BROX: variants seen among roughly 807,000 people sequenced by gnomAD.
The protein encoded by BROX is BRO1 domain and CAAX motif containing, also known as BRO1 domain-containing protein BROX.
A neutral mutation model predicts 61.0 loss-of-function variants in BROX; 53 were observed. The ratio of observed to expected loss-of-function variants is 0.87; its 90% CI spans 0.70 to 1.09. BROX has a LOEUF of 1.09. Ranked by LOEUF, BROX falls within the 50% of genes least tolerant of loss-of-function variation. The pLI is 0.00. For synonymous variants in BROX, 152 were observed against 160.2 expected, an observed-to-expected ratio of 0.95 and a Z score of 0.38; for missense variants, 489 against 472.0, an observed-to-expected ratio of 1.04 and a Z score of -0.33.
chr1:222,727,571 C>T (rs1657602658), intron 8 of BROX, among the ~76,000 whole-genome samples: 1 of 152,064 alleles, frequency 6.6e-6, no homozygotes, highest in Non-Finnish European at 1.5e-5. Flanking sequence ...GTTAACATGA[C>T]CCATAATTCA....
chr1:222,728,367 A>G (rs199666736), intron 8 of BROX, among the ~76,000 whole-genome samples: 9 of 152,160 alleles, frequency 5.9e-5, no homozygotes, highest in East Asian at 1.9e-4. Context: ...AGAGGAGAGT[A>G]TCCTATTTCT....
At chr1:222,729,522 G>A in intron 9 of BROX, 98 bp from the exon 10 acceptor site, 1 of 812,900 alleles carries the variant, frequency 1.2e-6, no homozygotes, top group Non-Finnish European at 2.0e-6. Context: ...TGATACTTCA[G>A]TGTATGAAGG....
Position 222,734,128 on chromosome 1 carries a change from A to G in BROX, c.*1414A>G, listed in dbSNP as rs1658139833. 6.6e-6 allele frequency: 1 copy of G among 152,226 alleles called. No homozygotes were observed. The highest frequency in any genetic ancestry group is 2.4e-5 in the African/African-American group (1 of 41,468). The allele number at this position is 152,226 out of a possible 1,614,324, so 9.4% of individuals were successfully genotyped here. A position where few individuals can be genotyped will look rare whatever the true frequency, so the allele number is the denominator to read the frequency against. On this transcript the variant is annotated 3_prime_UTR_variant, in exon 13 of 13. Coordinates refer to ENST00000340934, the MANE Select transcript of BROX (RefSeq NM_144695.4). ...ATTTGGGAAATAGTGGATGCATAATACTTTAACAGAAGTCACACATCTGTA... is the reference window on the plus strand; with the variant it reads ...ATTTGGGAAATAGTGGATGCATAATGCTTTAACAGAAGTCACACATCTGTA...
intron 11 of BROX, among the ~76,000 whole-genome samples, chr1:222,730,688 A>G (rs532691053): frequency 6.6e-6 from 1 of 152,304 alleles, no homozygotes; most frequent in Admixed American, 6.5e-5. Context: ...TTAGGATGAT[A>G]ATATATAAAA....
chr1:222,718,244 A>T (rs1038376629), intron 2 of BROX: 1 of 152,206 alleles, frequency 6.6e-6, no homozygotes, highest in Admixed American at 6.5e-5. Flanking sequence ...GAATCAAAGG[A>T]GAAAATAATT....
chr1:222,724,186 C>A lies in BROX; in HGVS notation c.474+22C>A, dbSNP rs373017423. ...AAAGGTAAAACAAACAAACAAAAAC[C>A]ATTATTTGTTCTTAATGCTTTAATT... is the stretch of plus-strand genomic sequence containing the variant. On this transcript the variant is annotated intron_variant, in intron 6 of 12. Coordinates refer to ENST00000340934, the MANE Select transcript of BROX (RefSeq NM_144695.4). The A allele has an allele frequency of 1.4e-4, 221 of 1,566,226 alleles. No homozygotes were observed. In the African/African-American group the frequency reaches 2.6e-3, roughly 18 times the overall value.
chr1:222,723,076 A>G (rs1010166771), intron 5 of BROX, among the ~76,000 whole-genome samples: 2 of 152,240 alleles, frequency 1.3e-5, no homozygotes, highest in Non-Finnish European at 2.9e-5. Flanking sequence ...TGGTTCATCC[A>G]TACGTGGGAA....
intron 11 of BROX, among the ~76,000 whole-genome samples, chr1:222,730,908 T>A (rs1370763473): frequency 2.0e-5 from 3 of 152,204 alleles, no homozygotes; most frequent in African/African-American, 7.2e-5. Context: ...CCAGTTTTTC[T>A]TGCTTTTTTT....
rs1657918749 is a variant in BROX, at chr1:222,731,338, T to C, written c.990-19T>C. The C allele has an allele frequency of 6.4e-7, 1 of 1,551,700 alleles. No homozygotes were observed. The highest frequency in any genetic ancestry group is 2.4e-5 in the Admixed American group (1 of 41,972). On this transcript the variant is annotated intron_variant, in intron 11 of 12. Coordinates refer to ENST00000340934, the MANE Select transcript of BROX (RefSeq NM_144695.4). ...TAACGAACAAATGAATGAATTGCTA[T>C]TTAAATTATTTTTTGCAGTTACTTT...
intron 11 of BROX, among the ~76,000 whole-genome samples, chr1:222,730,806 C>G (rs1657878310): frequency 6.6e-6 from 1 of 152,112 alleles, no homozygotes; most frequent in African/African-American, 2.4e-5. Flanking sequence ...ATTCTTCCTC[C>G]ATATGTTTTA....
At chr1:222,727,780 A>AGT in intron 8 of BROX, among the ~76,000 whole-genome samples, 1 of 152,228 alleles carries the variant, frequency 6.6e-6, no homozygotes, top group Non-Finnish European at 1.5e-5. Flanking sequence ...TATATCCTGA[A>AGT]GTAAGACATC....
chr1:222,724,212 C>A, intron 6 of BROX, 48 bp downstream of exon 6: 1 of 1,461,038 alleles, frequency 6.8e-7, no homozygotes, highest in South Asian at 1.2e-5. Flanking sequence ...TGCTTTAATT[C>A]TTGAATAATT....
At position 222,734,842 on chromosome 1, in the gene BROX, T is replaced by A. The variant is rs1345054838; in HGVS notation, c.*2128T>A. On this transcript the variant is annotated 3_prime_UTR_variant, in exon 13 of 13. Coordinates refer to ENST00000340934, the MANE Select transcript of BROX (RefSeq NM_144695.4). ...GGGGATGATACTACCATATACGAAA[T>A]GGAAAATGTAATATGCTCAGTGCTT... 1 of 152,220 alleles carries A rather than the reference T, an allele frequency of 6.6e-6. No homozygotes were observed. Among genetic ancestry groups the A allele is most frequent in the Non-Finnish European group, 1.5e-5 (1 of 68,030 alleles). The allele number at this position is 152,220 out of a possible 1,614,324, so 9.4% of individuals were successfully genotyped here.
chr1:222,712,906 C>G lies in BROX; in HGVS notation c.-53C>G. 2 of 1,222,326 alleles carry G rather than the reference C, an allele frequency of 1.6e-6. No individual in the cohort carries two copies. Among genetic ancestry groups the G allele is most frequent in the South Asian group, 2.8e-5 (2 of 71,820 alleles). 75.7% of individuals were successfully genotyped at this position (1,222,326 alleles called of 1,614,324 possible). A position where few individuals can be genotyped will look rare whatever the true frequency, so the allele number is the denominator to read the frequency against. ...GGACTCCGATATATTGCCCTTCTTC[C>G]CTTAGAAGAACTGCTGAACCGACTC... On this transcript the variant is annotated 5_prime_UTR_variant, in exon 1 of 13. Coordinates refer to ENST00000340934, the MANE Select transcript of BROX (RefSeq NM_144695.4).
Position 222,727,265 on chromosome 1 carries a change from T to G in BROX, c.670+8T>G, listed in dbSNP as rs1655946302. 5.7e-6 allele frequency: 9 copies of G among 1,585,048 alleles called. No individual in the cohort carries two copies. Among genetic ancestry groups the G allele is most frequent in the Non-Finnish European group, 6.9e-6 (8 of 1,154,416 alleles). Reference sequence around the variant, plus strand: ...ATTTCTATCAAAAAGCTGGTAAGCTTCTAATTCTGTCGTTACATTTTTAGT... The same window carrying G: ...ATTTCTATCAAAAAGCTGGTAAGCTGCTAATTCTGTCGTTACATTTTTAGT... On this transcript the variant is annotated splice_region_variant and intron_variant, in intron 8 of 12. Transcript: ENST00000340934.
At chr1:222,731,102 C>T (rs941164670) in intron 11 of BROX, among the ~76,000 whole-genome samples, 6 of 152,098 alleles carry the variant, frequency 3.9e-5, no homozygotes, top group Admixed American at 3.9e-4. Context: ...TCACTTCCTT[C>T]GGAAAGAGTC....
At chr1:222,731,538 T>TC (rs1415065877) in intron 12 of BROX, 22 bp downstream of exon 12, 5 of 1,565,580 alleles carry the variant, frequency 3.2e-6, no homozygotes, top group Non-Finnish European at 4.3e-6. Context: ...TTTTTTTTTT[T>TC]CCCTCTCATT....
At position 222,731,431 on chromosome 1, in the gene BROX, CT is replaced by C; in HGVS notation, c.1067del (p.Phe356SerfsTer37). On this transcript the variant is annotated frameshift_variant, in exon 12 of 13. Coordinates refer to ENST00000340934, the MANE Select transcript of BROX (RefSeq NM_144695.4). LOFTEE classifies it high-confidence loss of function. ...KANYGLVEPI[P>X]FEFPPTSVQW... ...AATTATGGTCTCGTAGAGCCTATACCTTTCGAATTTCCTCCTACAAGTGTTC... is the reference window on the plus strand; with the variant it reads ...AATTATGGTCTCGTAGAGCCTATACCTTCGAATTTCCTCCTACAAGTGTTC... 6.2e-7 allele frequency: 1 copy of C among 1,602,380 alleles called. No individual in the cohort carries two copies. The highest frequency in any genetic ancestry group is 8.5e-7 in the Non-Finnish European group (1 of 1,177,036).
chr1:222,718,450 G>C (rs1452166628), intron 2 of BROX, among the ~76,000 whole-genome samples: 1 of 151,792 alleles, frequency 6.6e-6, no homozygotes, highest in Non-Finnish European at 1.5e-5. Context: ...TCACATTTTT[G>C]TGTTTTATGT....
Sources: allele counts gnomAD v4.1 joint callset (sites outside exome capture counted in the v4.1 genomes callset), GRCh38; gene constraint gnomAD v4.1.1; transcripts MANE v1.5; gene names NCBI Gene and HGNC (gene_info 2026-07-23, HGNC 2026-07-21).